The following IGF2BP2 variants were observed in gnomAD, a reference collection of about 807,000 sequenced individuals.
The protein encoded by IGF2BP2 is insulin like growth factor 2 mRNA binding protein 2, also known as insulin-like growth factor 2 mRNA-binding protein 2.
In IGF2BP2, 17 loss-of-function variants were observed where a neutral mutation model predicts 75.8. The observed-to-expected ratio is 0.22, with a 90% CI of 0.15 to 0.34. IGF2BP2 has a LOEUF of 0.34. IGF2BP2 is among the 10% of genes least tolerant of loss of function. The pLI is 1.00. For synonymous variants in IGF2BP2, 288 were observed against 295.6 expected (o/e 0.97, Z 0.26); for missense variants, 516 against 772.4 (o/e 0.67, Z 3.93).
intron 2 of IGF2BP2, among the ~76,000 whole-genome samples, chr3:185,762,645 A>C (rs1384433795): frequency 6.6e-6 from 1 of 152,102 alleles, no homozygotes; most frequent in African/African-American, 2.4e-5. Context: ...TCCCTTGAAG[A>C]AGCTTAGATA....
rs1056279771 is a variant in IGF2BP2 at position 185,645,961 on chromosome 3, C to T, written c.1708-338G>A. Reference sequence around the variant, plus strand: ...ATGCTACACTTGGGCTCCCGTGCTGCTCCCGCCCCCGTTCTACAGCGGCTA... The same window carrying T: ...ATGCTACACTTGGGCTCCCGTGCTGTTCCCGCCCCCGTTCTACAGCGGCTA... On this transcript the variant is annotated intron_variant, in intron 15 of 15. Transcript: ENST00000382199. This position sits in a 1 kb window ranked among gnomAD's most constrained non-coding sequence, Gnocchi z 4.9. 1.3e-5 allele frequency among the ~76,000 whole-genome samples: 2 copies of T among 152,124 alleles called. No homozygotes were observed. The highest frequency in any genetic ancestry group is 4.8e-5 in the African/African-American group (2 of 41,410).
intron 1 of IGF2BP2, among the ~76,000 whole-genome samples, chr3:185,824,400 G>A (rs1476197625): frequency 2.7e-5 from 4 of 146,796 alleles, no homozygotes; most frequent in East Asian, 2.2e-4. Context: ...TGACAAAGGG[G>A]GTGACAGGAA....
intron 2 of IGF2BP2, among the ~76,000 whole-genome samples, chr3:185,778,646 C>A (rs922271350): frequency 2.6e-5 from 4 of 152,204 alleles, no homozygotes; most frequent in African/African-American, 9.7e-5. Context: ...GACTCGGAAT[C>A]TGGACACCTG....
chr3:185,755,330 GT>G (rs947801975), intron 2 of IGF2BP2, among the ~76,000 whole-genome samples: 7 of 152,238 alleles, frequency 4.6e-5, no homozygotes, highest in Admixed American at 3.3e-4. Flanking sequence ...TCCACATGGT[GT>G]TAAGCTTACA....
intron 2 of IGF2BP2, among the ~76,000 whole-genome samples, chr3:185,761,997 C>T (rs373209208): frequency 6.6e-6 from 1 of 152,146 alleles, no homozygotes; most frequent in African/African-American, 2.4e-5. Context: ...TTCTACCATG[C>T]TTTGTACTAT....
intron 1 of IGF2BP2, among the ~76,000 whole-genome samples, chr3:185,824,040 C>T (rs1741711539): frequency 6.6e-6 from 1 of 152,036 alleles, no homozygotes; most frequent in African/African-American, 2.4e-5. Context: ...CGGAAAGCCC[C>T]CAGCCCCGAG....
chr3:185,644,318 T>C lies in IGF2BP2; in HGVS notation c.*1213A>G, dbSNP rs1713139217. ...GTAAATTTCTACTTTCCTCCACATT[T>C]TTTTTTTTTAAAGAAAGGAATCATT... On this transcript the variant is annotated 3_prime_UTR_variant, in exon 16 of 16. Transcript: ENST00000382199. The C allele has an allele frequency of 6.6e-6, 1 of 152,334 alleles. No homozygotes were observed. The highest frequency in any genetic ancestry group is 2.1e-4 in the South Asian group (1 of 4,808). The allele number at this position is 152,334 out of a possible 1,614,324, so 9.4% of individuals were successfully genotyped here.
intron 12 of IGF2BP2, among the ~76,000 whole-genome samples, chr3:185,652,710 A>G (rs545341966): frequency 6.6e-6 from 1 of 152,208 alleles, no homozygotes; most frequent in Non-Finnish European, 1.5e-5. Flanking sequence ...GTCATAAGTA[A>G]AACAGCAGCA....
At chr3:185,799,055 C>T (rs112504152) in intron 2 of IGF2BP2, among the ~76,000 whole-genome samples, 209 of 151,120 alleles carry the variant, frequency 1.4e-3, no homozygotes, top group African/African-American at 4.9e-3. Context: ...AGATTACAGG[C>T]GTGAGCCACT....
chr3:185,708,670 G>A (rs1724388973), intron 2 of IGF2BP2, among the ~76,000 whole-genome samples: 4 of 152,060 alleles, frequency 2.6e-5, no homozygotes, highest in Admixed American at 6.6e-5. Flanking sequence ...GCTCCAATCA[G>A]GGCAGTGCCC....
At chr3:185,677,068 TAGAGAGAGAGAGAG>T (rs71164535) in intron 7 of IGF2BP2, among the ~76,000 whole-genome samples, 2 of 35,860 alleles carry the variant, frequency 5.6e-5, no homozygotes, top group African/African-American at 1.6e-4. Context: ...TATATATATA[TAGAGAGAGAGAGAG>T]AGAGAGAGAG....
chr3:185,643,286 C>G lies in IGF2BP2; in HGVS notation c.*2245G>C, dbSNP rs571455405. 3.9e-5 allele frequency among the ~76,000 whole-genome samples: 6 copies of G among 152,158 alleles called. No individual in the cohort carries two copies. Among genetic ancestry groups the G allele is most frequent in the Non-Finnish European group, 8.8e-5 (6 of 68,032 alleles). ...GAACTGCCGGGCATATTATCCTCCC[C>G]CTTTCCTCCACTTAAAAAGCAGCTT... On this transcript the variant is annotated 3_prime_UTR_variant, in exon 16 of 16. Coordinates refer to ENST00000382199, the MANE Select transcript of IGF2BP2 (RefSeq NM_006548.6).
chr3:185,732,744 T>C (rs1704844114), intron 2 of IGF2BP2, among the ~76,000 whole-genome samples: 1 of 152,254 alleles, frequency 6.6e-6, no homozygotes, highest in Non-Finnish European at 1.5e-5. Context: ...TAGCTTGAAC[T>C]GCTACATGAC....
chr3:185,798,982 T>C (rs2149919516), intron 2 of IGF2BP2, among the ~76,000 whole-genome samples: 1 of 151,876 alleles, frequency 6.6e-6, no homozygotes, highest in South Asian at 2.1e-4. Context: ...CACCATGTTG[T>C]CCAGGCTGGT....
chr3:185,740,114 C>T (rs1729356144), intron 2 of IGF2BP2, among the ~76,000 whole-genome samples: 1 of 152,104 alleles, frequency 6.6e-6, no homozygotes, highest in South Asian at 2.1e-4. Flanking sequence ...TCCCAAACTG[C>T]TGGGATTAAA....
intron 7 of IGF2BP2, among the ~76,000 whole-genome samples, chr3:185,679,131 GACTT>G (rs1425583512): frequency 6.6e-6 from 1 of 152,148 alleles, no homozygotes; most frequent in Non-Finnish European, 1.5e-5. Flanking sequence ...GATAGGGAAG[GACTT>G]ACTTTTGTCA....
intron 2 of IGF2BP2, chr3:185,713,227 T>A (rs572237862): frequency 4.0e-4 from 142 of 351,908 alleles, no homozygotes; most frequent in South Asian, 3.0e-3. Context: ...TTTCACTGCA[T>A]AGAAACAGAA....
chr3:185,698,249 A>C, intron 3 of IGF2BP2, 50 bp downstream of exon 3: 7 of 1,510,124 alleles, frequency 4.6e-6, no homozygotes, highest in Non-Finnish European at 6.4e-6. Context: ...AATGGAACTA[A>C]AGAAGGGAGA....
At chr3:185,776,424 G>C (rs1734537338) in intron 2 of IGF2BP2, among the ~76,000 whole-genome samples, 1 of 152,164 alleles carries the variant, frequency 6.6e-6, no homozygotes, top group African/African-American at 2.4e-5. Context: ...AATGGAAAAA[G>C]TAAAAAGTGA....
Sources: allele counts gnomAD v4.1 joint callset (sites outside exome capture counted in the v4.1 genomes callset), GRCh38; gene constraint gnomAD v4.1.1; non-coding constraint Gnocchi (gnomAD v3.1); transcripts MANE v1.5; gene names NCBI Gene and HGNC (gene_info 2026-07-23, HGNC 2026-07-21).